Variants in RNF217 observed in about 807,000 individuals in gnomAD.
The protein encoded by RNF217 is ring finger protein 217, also known as E3 ubiquitin-protein ligase RNF217.
RNF217 carries 31 observed loss-of-function variants against 57.8 expected under a neutral mutation model. The ratio of observed to expected loss-of-function variants is 0.54; its 90% CI spans 0.40 to 0.72. RNF217 has a LOEUF of 0.72. RNF217 is among the 30% of genes least tolerant of loss of function. The pLI, the probability that RNF217 is intolerant of heterozygous loss-of-function variation, is 0.00. For synonymous variants in RNF217, 313 were observed against 294.0 expected (o/e 1.06, Z -0.66); for missense variants, 696 against 708.3 (o/e 0.98, Z 0.20).
At chr6:125,007,133 A>G (rs887590210) in intron 1 of RNF217, among the ~76,000 whole-genome samples, 9 of 152,186 alleles carry the variant, frequency 5.9e-5, no homozygotes, top group African/African-American at 2.2e-4. Context: ...CAACTTGTCA[A>G]TTGAATTATT....
chr6:125,016,881 T>A (rs1420052934), intron 1 of RNF217, among the ~76,000 whole-genome samples: 4 of 152,062 alleles, frequency 2.6e-5, no homozygotes, highest in Non-Finnish European at 5.9e-5. Context: ...CGTATACCTA[T>A]CCAACAATCC....
At chr6:125,052,314 G>T (rs1465112681) in intron 2 of RNF217, among the ~76,000 whole-genome samples, 11 of 145,248 alleles carry the variant, frequency 7.6e-5, no homozygotes, top group African/African-American at 3.1e-4. Context: ...GTGTGTGTGT[G>T]TGTGTGGTTT....
Position 125,091,883 on chromosome 6 carries a change from T to G in RNF217, c.*8946T>G, listed in dbSNP as rs1788963395. On this transcript the variant is annotated 3_prime_UTR_variant, in exon 6 of 6. Transcript: ENST00000521654. ...ACCCTGTTTATATAATATGTTATTT[T>G]GCTCTTCTTGATCTGTGCCTTTTGT... is the stretch of plus-strand genomic sequence containing the variant. The G allele has an allele frequency of 6.6e-6, 1 of 152,216 alleles. No individual in the cohort carries two copies. Among genetic ancestry groups the G allele is most frequent in the Non-Finnish European group, 1.5e-5 (1 of 68,032 alleles). The allele number at this position is 152,216 out of a possible 1,614,324, so 9.4% of individuals were successfully genotyped here.
intron 3 of RNF217, among the ~76,000 whole-genome samples, chr6:125,058,575 A>G (rs1490617657): frequency 1.3e-5 from 2 of 152,138 alleles, no homozygotes; most frequent in Non-Finnish European, 2.9e-5. Flanking sequence ...CTTTTTTGCA[A>G]ATCTGGTAAA....
chr6:124,983,750 G>A (rs1784262191), intron 1 of RNF217, among the ~76,000 whole-genome samples: 1 of 152,180 alleles, frequency 6.6e-6, no homozygotes, highest in Non-Finnish European at 1.5e-5. Context: ...TCTTTGCCCT[G>A]TAATAACTAT....
At chr6:125,060,350 T>A (rs1787682352) in intron 3 of RNF217, among the ~76,000 whole-genome samples, 1 of 118,544 alleles carries the variant, frequency 8.4e-6, no homozygotes, top group Non-Finnish European at 1.7e-5. Flanking sequence ...AAAGTATATA[T>A]GTGTATACAC....
At chr6:125,023,532 TTAAAA>T (rs1312080794) in intron 1 of RNF217, among the ~76,000 whole-genome samples, 1 of 152,142 alleles carries the variant, frequency 6.6e-6, no homozygotes, top group Non-Finnish European at 1.5e-5. Context: ...CTCAAAAAAC[TTAAAA>T]TAGAACTGCC....
chr6:125,071,208 A>G (rs1169882729), intron 3 of RNF217, among the ~76,000 whole-genome samples: 3 of 152,216 alleles, frequency 2.0e-5, no homozygotes, highest in East Asian at 1.9e-4. Context: ...CGATTTTTCA[A>G]CTTTTCCATG....
At chr6:125,028,301 A>C (rs1454985076) in intron 1 of RNF217, among the ~76,000 whole-genome samples, 1 of 151,228 alleles carries the variant, frequency 6.6e-6, no homozygotes, top group Non-Finnish European at 1.5e-5. Context: ...AACAACACAC[A>C]AAGATAATTT....
At chr6:125,082,746 A>G (rs974042603) in intron 5 of RNF217, 118 bp from the exon 6 acceptor site, 6 of 1,147,188 alleles carry the variant, frequency 5.2e-6, no homozygotes, top group Non-Finnish European at 6.3e-6. Context: ...ATTTCATAGC[A>G]TAGATGTCTT....
intron 1 of RNF217, among the ~76,000 whole-genome samples, chr6:125,038,434 A>C (rs994542230): frequency 2.0e-5 from 3 of 152,184 alleles, no homozygotes; most frequent in African/African-American, 7.2e-5. Context: ...ATATTTATGA[A>C]TGAAATGACA....
rs1338530386 is a variant in RNF217 at position 125,090,308 on chromosome 6, G to A, written c.*7371G>A. The A allele has an allele frequency of 6.6e-6, 1 of 151,948 alleles. No individual in the cohort carries two copies. Among genetic ancestry groups the A allele is most frequent in the Non-Finnish European group, 1.5e-5 (1 of 67,900 alleles). 9.4% of individuals were successfully genotyped at this position (151,948 alleles called of 1,614,324 possible). ...GTAAATTCTGAGAGATGACAGAAAT[G>A]ATTTTCTGTAGAAGGAACACAACAG... is the stretch of plus-strand genomic sequence containing the variant. On this transcript the variant is annotated 3_prime_UTR_variant, in exon 6 of 6. Transcript: ENST00000521654.
chr6:124,978,639 C>T (rs1562449495), intron 1 of RNF217, among the ~76,000 whole-genome samples: 1 of 152,062 alleles, frequency 6.6e-6, no homozygotes, highest in Non-Finnish European at 1.5e-5. Context: ...TGTGCTGCAG[C>T]TCCTTTATTC....
intron 3 of RNF217, among the ~76,000 whole-genome samples, chr6:125,075,767 A>G (rs1332693647): frequency 1.3e-5 from 2 of 152,210 alleles, no homozygotes; most frequent in East Asian, 3.8e-4. Context: ...CAAAGTACGC[A>G]CAGATAAAGA....
At chr6:124,965,766 T>A (rs1007253292) in intron 1 of RNF217, among the ~76,000 whole-genome samples, 4 of 152,150 alleles carry the variant, frequency 2.6e-5, no homozygotes, top group Non-Finnish European at 5.9e-5. Flanking sequence ...GCCCTGTGAC[T>A]TTCACTGACC....
chr6:124,964,617 A>G (rs1029543420), intron 1 of RNF217, among the ~76,000 whole-genome samples: 5 of 152,184 alleles, frequency 3.3e-5, no homozygotes, highest in African/African-American at 1.2e-4. Context: ...TAAAAATGCA[A>G]ACAAAGACTT....
intron 1 of RNF217, among the ~76,000 whole-genome samples, chr6:125,035,305 G>T (rs1015783686): frequency 6.6e-6 from 1 of 151,930 alleles, no homozygotes; most frequent in Non-Finnish European, 1.5e-5. Flanking sequence ...TCCAGTTTTT[G>T]CCCATTCAGT....
chr6:125,069,959 A>C (rs766410940), intron 3 of RNF217, among the ~76,000 whole-genome samples: 2 of 152,072 alleles, frequency 1.3e-5, no homozygotes, highest in African/African-American at 4.8e-5. Flanking sequence ...CCATTATCCG[A>C]GCAGTGTACA....
At chr6:124,988,373 A>G (rs1784433055) in intron 1 of RNF217, among the ~76,000 whole-genome samples, 2 of 152,234 alleles carry the variant, frequency 1.3e-5, no homozygotes, top group South Asian at 4.1e-4. Context: ...TACGACTGCT[A>G]ACTCATCAAA....
Sources: allele counts gnomAD v4.1 joint callset (sites outside exome capture counted in the v4.1 genomes callset), GRCh38; gene constraint gnomAD v4.1.1; transcripts MANE v1.5; gene names NCBI Gene and HGNC (gene_info 2026-07-23, HGNC 2026-07-21).